TMPRSS6: variants seen among roughly 807,000 people sequenced by gnomAD.
The protein encoded by TMPRSS6 is transmembrane protease serine 6.
TMPRSS6 carries 67 observed loss-of-function variants against 101.5 expected under a neutral mutation model. That is an observed-to-expected ratio of 0.66 (90% CI 0.54 to 0.81). The LOEUF is 0.81. Ranked by LOEUF, TMPRSS6 falls within the 30% of genes least tolerant of loss-of-function variation. TMPRSS6 has a pLI of 0.00. For synonymous variants in TMPRSS6, 453 were observed against 464.9 expected, an observed-to-expected ratio of 0.97 and a Z score of 0.33; for missense variants, 1,034 against 1,088.7, an observed-to-expected ratio of 0.95 and a Z score of 0.71.
chr22:37,110,334 G>A (rs2146206472), upstream of TMPRSS6, among the ~76,000 whole-genome samples: 1 of 151,782 alleles, frequency 6.6e-6, no homozygotes, highest in Admixed American at 6.6e-5. Context: ...GAAGAGATGG[G>A]GTTTCACCAT....
chr22:37,090,883 G>A (rs1447227698), intron 6 of TMPRSS6, among the ~76,000 whole-genome samples: 1 of 152,160 alleles, frequency 6.6e-6, no homozygotes, highest in East Asian at 1.9e-4. Flanking sequence ...AGGTAGGGCT[G>A]GGGAGAAAGG....
chr22:37,068,961 C>T, intron 16 of TMPRSS6, 112 bp downstream of exon 16: 2 of 1,477,098 alleles, frequency 1.4e-6, no homozygotes, highest in Non-Finnish European at 1.8e-6. Flanking sequence ...CACTAGAGGG[C>T]CTATGGGGTG....
intron 13 of TMPRSS6, among the ~76,000 whole-genome samples, chr22:37,072,974 AGGATGATGGATGGATAGAT>A (rs1457630794): frequency 3.5e-5 from 4 of 115,402 alleles, no homozygotes; most frequent in African/African-American, 1.4e-4. Flanking sequence ...GATGGGTGGA[AGGATGATGGATGGATAGAT>A]GGATGATGGA....
chr22:37,067,895 C>T (rs1036082741), intron 16 of TMPRSS6, among the ~76,000 whole-genome samples: 5 of 152,052 alleles, frequency 3.3e-5, no homozygotes, highest in African/African-American at 9.7e-5. Flanking sequence ...CGCCCAGGCA[C>T]GCCTGCCCCC....
intron 2 of TMPRSS6, among the ~76,000 whole-genome samples, chr22:37,099,944 GT>G (rs920738897): frequency 3.8e-4 from 58 of 152,144 alleles, no homozygotes; most frequent in Admixed American, 6.5e-4. Context: ...ATGGGAGGTG[GT>G]TTTTTTGTTT....
At chr22:37,097,490 G>A (rs989502757) in intron 3 of TMPRSS6, among the ~76,000 whole-genome samples, 12 of 152,350 alleles carry the variant, frequency 7.9e-5, no homozygotes, top group Middle Eastern at 6.8e-3. Flanking sequence ...AAGAAGCTGC[G>A]GTATTGATCC....
upstream of TMPRSS6, among the ~76,000 whole-genome samples, chr22:37,110,137 C>CTTTTT (rs55809648): frequency 1.1e-4 from 10 of 87,062 alleles, no homozygotes; most frequent in Admixed American, 2.5e-4. Flanking sequence ...CTACCTCGTT[C>CTTTTT]TTTTTTTTTT....
rs752093558 is a variant in TMPRSS6, at chr22:37,071,052, G to A, written c.1556-20C>T. 1.2e-6 allele frequency: 2 copies of A among 1,608,734 alleles called. No individual in the cohort carries two copies. The highest frequency in any genetic ancestry group is 1.1e-5 in the South Asian group (1 of 90,968). On this transcript the variant is annotated intron_variant, in intron 13 of 17. Coordinates refer to ENST00000676104, the MANE Select transcript of TMPRSS6 (RefSeq NM_001374504.1). The stretch of plus-strand genomic sequence containing the variant: ...GCACCCCTGGGACAGAGGGGATGGG[G>A]GCAGGGCACAGAAGGTGGGTCTCTG...
rs1169312726 is a variant in TMPRSS6, at chr22:37,103,375, C to A, written c.43G>T (p.Asp15Tyr). The A allele has an allele frequency of 6.2e-7, 1 of 1,614,186 alleles. No individual in the cohort carries two copies. ...TCCGCTTCCTCGCCATCACCTCCGT[C>A]CCCCTGCCCGCCAGCCACCTGGGGG... ...EAPQVAGGQG[D>Y]GGDGEEAEPE... Residue 15 changes from aspartate to tyrosine, a missense_variant, in exon 2 of 18, where the codon GAC becomes TAC. Coordinates refer to ENST00000676104, the MANE Select transcript of TMPRSS6 (RefSeq NM_001374504.1). This position sits in a 1 kb window ranked among gnomAD's most constrained non-coding sequence, Gnocchi z 4.4.
chr22:37,103,405 C>G lies in TMPRSS6; in HGVS notation c.13G>C (p.Glu5Gln). 1 of 1,614,202 alleles carries G rather than the reference C, an allele frequency of 6.2e-7. No individual in the cohort carries two copies. Among genetic ancestry groups the G allele is most frequent in the Non-Finnish European group, 8.5e-7 (1 of 1,180,030 alleles). MPVA[E>Q]APQVAGGQGD... ...TGCCCGCCAGCCACCTGGGGGGCCTCGGCCACGGGCATCCTGCCAGGGAAA... is the reference window on the plus strand; with the variant it reads ...TGCCCGCCAGCCACCTGGGGGGCCTGGGCCACGGGCATCCTGCCAGGGAAA... The change falls in exon 2 of 18, where the codon GAG becomes CAG. Residue 5 changes from glutamate to glutamine, a missense_variant. By Grantham distance (29) the Glu-to-Gln change is conservative (BLOSUM62 2). Coordinates refer to ENST00000676104, the MANE Select transcript of TMPRSS6 (RefSeq NM_001374504.1). This position sits in a 1 kb window ranked among gnomAD's most constrained non-coding sequence, Gnocchi z 4.4.
At chr22:37,067,903 C>G (rs764514921) in intron 16 of TMPRSS6, among the ~76,000 whole-genome samples, 1 of 152,268 alleles carries the variant, frequency 6.6e-6, no homozygotes, top group Non-Finnish European at 1.5e-5. Context: ...CACGCCTGCC[C>G]CCCACCTCAG....
chr22:37,109,005 G>A (rs956750540), intron 1 of TMPRSS6, among the ~76,000 whole-genome samples: 5 of 152,102 alleles, frequency 3.3e-5, no homozygotes, highest in Non-Finnish European at 7.4e-5. Flanking sequence ...ATAGATGCAC[G>A]CCCTTCCTAC....
intron 1 of TMPRSS6, among the ~76,000 whole-genome samples, chr22:37,109,067 G>A (rs1480617696): frequency 1.3e-5 from 2 of 152,154 alleles, no homozygotes; most frequent in Non-Finnish European, 2.9e-5. Flanking sequence ...CTGAGCCTGT[G>A]AGCCCAGGGT....
intron 6 of TMPRSS6, among the ~76,000 whole-genome samples, chr22:37,094,566 T>TAGATAGATAGATAGATAGAC (rs1929586843): frequency 6.6e-6 from 1 of 151,762 alleles, no homozygotes; most frequent in African/African-American, 2.4e-5. Context: ...GATAGATAGA[T>TAGATAGATAGATAGATAGAC]AGACAAATAG....
chr22:37,084,935 C>A, intron 8 of TMPRSS6, 96 bp from the exon 9 acceptor site: 1 of 874,636 alleles, frequency 1.1e-6, no homozygotes, highest in Admixed American at 2.0e-5. Flanking sequence ...ACCACCTCTG[C>A]CAGCAAATTG....
chr22:37,083,796 G>A lies in TMPRSS6; in HGVS notation c.1196+499C>T, dbSNP rs937097775. 8.1e-5 allele frequency: 20 copies of A among 245,742 alleles called. No homozygotes were observed. In the East Asian group the frequency reaches 1.3e-3, roughly 16 times the overall value. 15.2% of individuals were successfully genotyped at this position (245,742 alleles called of 1,614,324 possible). On this transcript the variant is annotated intron_variant, in intron 10 of 17. Transcript: ENST00000676104. ...AGGGCAAGTGCCCCGTTGGGGATTCGGGGGATCCAGGGCACCCATGATTTC... is the reference window on the plus strand; with the variant it reads ...AGGGCAAGTGCCCCGTTGGGGATTCAGGGGATCCAGGGCACCCATGATTTC...
intron 6 of TMPRSS6, among the ~76,000 whole-genome samples, chr22:37,093,450 A>G (rs985635008): frequency 1.6e-5 from 2 of 127,556 alleles, no homozygotes; most frequent in African/African-American, 3.1e-5. Context: ...GCTGGAGTAC[A>G]GTGGCACAAC....
At chr22:37,099,346 G>T (rs1238222013) in intron 2 of TMPRSS6, among the ~76,000 whole-genome samples, 1 of 152,248 alleles carries the variant, frequency 6.6e-6, no homozygotes, top group African/African-American at 2.4e-5. Context: ...GCGGCAAGGA[G>T]CTGGGGCCTC....
intron 1 of TMPRSS6, among the ~76,000 whole-genome samples, chr22:37,105,644 G>T (rs192035153): frequency 0.025 from 3,810 of 152,200 alleles, 164 homozygotes; most frequent in African/African-American, 0.088. Context: ...CCCTCCCTCT[G>T]CCAGAGGAGG....
Sources: allele counts gnomAD v4.1 joint callset (sites outside exome capture counted in the v4.1 genomes callset), GRCh38; gene constraint gnomAD v4.1.1; non-coding constraint Gnocchi (gnomAD v3.1); transcripts MANE v1.5; gene names NCBI Gene and HGNC (gene_info 2026-07-23, HGNC 2026-07-21).